Variants in MCU observed in about 807,000 individuals in gnomAD.
MCU encodes mitochondrial calcium uniporter.
A neutral mutation model predicts 45.2 loss-of-function variants in MCU; 12 were observed. The observed-to-expected ratio is 0.27, with a 90% CI of 0.17 to 0.43. The LOEUF (loss-of-function observed/expected upper bound fraction) is 0.43, where lower values mean the gene tolerates loss of function less well. Among genes scored for constraint, MCU ranks in the 20% least tolerant of loss-of-function variants. The pLI is 1.00. For missense variants in MCU, 324 were observed against 436.7 expected (o/e 0.74, Z 2.30); for synonymous variants, 160 against 165.1 (o/e 0.97, Z 0.24).
At chr10:72,767,073 A>G (rs966231140) in intron 1 of MCU, 1 of 152,220 alleles carries the variant, frequency 6.6e-6, no homozygotes, top group Non-Finnish European at 1.5e-5. Flanking sequence ...GCTGCTTTGC[A>G]AAGTTACCTG....
intron 1 of MCU, among the ~76,000 whole-genome samples, chr10:72,699,347 A>G (rs1385520859): frequency 6.6e-6 from 1 of 152,016 alleles, no homozygotes; most frequent in Non-Finnish European, 1.5e-5. Context: ...TCTACTAAAA[A>G]TACAAAAAAA....
chr10:72,738,918 A>G (rs1004707470), intron 1 of MCU, among the ~76,000 whole-genome samples: 4 of 152,090 alleles, frequency 2.6e-5, no homozygotes, highest in African/African-American at 9.7e-5. Flanking sequence ...CTACTGGTCA[A>G]AATGCTCGGT....
intron 1 of MCU, among the ~76,000 whole-genome samples, chr10:72,776,827 T>G (rs1843901717): frequency 6.6e-6 from 1 of 151,994 alleles, no homozygotes; most frequent in Admixed American, 6.5e-5. Context: ...ACCTAAAGAC[T>G]CCACAAAAAA....
At chr10:72,771,777 G>C (rs978640570) in intron 1 of MCU, among the ~76,000 whole-genome samples, 1 of 152,030 alleles carries the variant, frequency 6.6e-6, no homozygotes, top group East Asian at 1.9e-4. Flanking sequence ...TAGGTTTTAA[G>C]CCTTGCATTC....
At chr10:72,793,981 A>G (rs888774755) in intron 1 of MCU, among the ~76,000 whole-genome samples, 4 of 152,180 alleles carry the variant, frequency 2.6e-5, no homozygotes, top group Non-Finnish European at 5.9e-5. Context: ...CATCCCTCAC[A>G]TATGCAAATT....
At position 72,859,259 on chromosome 10, in the gene MCU, C is replaced by G. The variant is rs1291617360; in HGVS notation, c.303C>G (p.Leu101=). 6.2e-7 allele frequency: 1 copy of G among 1,613,476 alleles called. No homozygotes were observed. The highest frequency in any genetic ancestry group is 8.5e-7 in the Non-Finnish European group (1 of 1,179,806). The stretch of plus-strand genomic sequence containing the variant: ...GGCGTGAACGCTGTCAGTTCACACT[C>G]AAGCCTATCTCTGACTCTGTTGGTG... The part of the protein sequence containing the change: ...PSRRERCQFT[L]KPISDSVGVF... The change falls in exon 3 of 8, where the codon CTC becomes CTG. Residue 101 remains leucine (L), a synonymous_variant. Coordinates refer to ENST00000373053, the MANE Select transcript of MCU (RefSeq NM_138357.3).
chr10:72,793,036 G>A (rs1424647844), intron 1 of MCU, among the ~76,000 whole-genome samples: 3 of 152,000 alleles, frequency 2.0e-5, no homozygotes, highest in African/African-American at 7.3e-5. Context: ...ATGCCACCAT[G>A]CCCGGCTAAT....
chr10:72,802,011 G>A (rs1564561010), intron 1 of MCU, among the ~76,000 whole-genome samples: 1 of 152,166 alleles, frequency 6.6e-6, no homozygotes, highest in Non-Finnish European at 1.5e-5. Flanking sequence ...CATTTGTGTG[G>A]CATTTCCTTT....
At chr10:72,810,634 G>GGTGGTTGTTGTT (rs111545033) in intron 1 of MCU, among the ~76,000 whole-genome samples, 1 of 146,780 alleles carries the variant, frequency 6.8e-6, no homozygotes, top group Non-Finnish European at 1.5e-5. Context: ...CGCCCAGCTA[G>GGTGGTTGTTGTT]GTTGTTGTTG....
intron 1 of MCU, among the ~76,000 whole-genome samples, chr10:72,810,003 T>TGTGC (rs1564563646): frequency 8.2e-6 from 1 of 122,676 alleles, no homozygotes; most frequent in African/African-American, 2.5e-5. Flanking sequence ...GGCTTCTGTG[T>TGTGC]GTGCATGTGT....
chr10:72,876,051 A>AGGGTGG (rs1845612080), intron 6 of MCU, among the ~76,000 whole-genome samples: 1 of 152,230 alleles, frequency 6.6e-6, no homozygotes, highest in African/African-American at 2.4e-5. Context: ...AAAGCTACTT[A>AGGGTGG]GGGTGGCAAT....
intron 1 of MCU, among the ~76,000 whole-genome samples, chr10:72,831,441 C>T (rs917404879): frequency 6.6e-6 from 1 of 151,964 alleles, no homozygotes; most frequent in Non-Finnish European, 1.5e-5. Flanking sequence ...TTATATGTTA[C>T]AGTATATTTT....
intron 1 of MCU, among the ~76,000 whole-genome samples, chr10:72,774,978 G>A (rs1022582000): frequency 2.6e-5 from 4 of 152,056 alleles, no homozygotes; most frequent in Non-Finnish European, 5.9e-5. Flanking sequence ...CACAGTCTCA[G>A]TAATGGGCAG....
chr10:72,819,224 C>CCATA (rs1844672547), intron 1 of MCU, among the ~76,000 whole-genome samples: 1 of 152,102 alleles, frequency 6.6e-6, no homozygotes, highest in Admixed American at 6.5e-5. Context: ...GACTTGCAGG[C>CCATA]CATACAAGTT....
intron 1 of MCU, among the ~76,000 whole-genome samples, chr10:72,807,520 AGT>A (rs1844470877): frequency 6.6e-6 from 1 of 152,188 alleles, no homozygotes; most frequent in Non-Finnish European, 1.5e-5. Flanking sequence ...CAGTCATCAT[AGT>A]GTAATCAAAC....
At chr10:72,860,391 C>A in intron 3 of MCU, 32 bp from the exon 4 acceptor site, 2 of 1,543,712 alleles carry the variant, frequency 1.3e-6, no homozygotes, top group Non-Finnish European at 1.8e-6. Context: ...TAATTATGGA[C>A]CTATGACAAG....
chr10:72,709,109 T>TGCAGAAGAG (rs1384772200), intron 1 of MCU, among the ~76,000 whole-genome samples: 11 of 152,098 alleles, frequency 7.2e-5, no homozygotes, highest in Admixed American at 2.0e-4. Context: ...AGAAAGGAAC[T>TGCAGAAGAG]ATTTCAAAGA....
chr10:72,715,856 A>T (rs1023138455), intron 1 of MCU: 15 of 985,302 alleles, frequency 1.5e-5, no homozygotes, highest in Non-Finnish European at 1.7e-5. Flanking sequence ...TGTCTTAGGT[A>T]TTGGTGATGT....
chr10:72,840,321 T>C (rs534822214), intron 2 of MCU, among the ~76,000 whole-genome samples: 44 of 152,356 alleles, frequency 2.9e-4, no homozygotes, highest in Admixed American at 5.9e-4. Flanking sequence ...TTATTAACCA[T>C]TCAGATATTT....
Sources: gnomAD v4.1 joint callset for allele counts (sites outside exome capture counted in the v4.1 genomes callset) on GRCh38, gnomAD v4.1.1 for gene constraint, MANE v1.5 for transcripts, NCBI Gene and HGNC (gene_info 2026-07-23, HGNC 2026-07-21) for gene names.